Variants in AGBL1 observed in about 807,000 individuals in gnomAD.
AGBL1 encodes the protein cytosolic carboxypeptidase 4.
Under a neutral mutation model 118.9 loss-of-function variants are expected in AGBL1, and 130 were observed. The ratio of observed to expected loss-of-function variants is 1.09; its 90% CI spans 0.95 to 1.26. The LOEUF (loss-of-function observed/expected upper bound fraction) is 1.26, where lower values mean the gene tolerates loss of function less well. AGBL1 is among the 50% of genes most tolerant of loss of function. AGBL1 has a pLI of 0.00. For missense variants in AGBL1, 1,584 were observed against 1,298.1 expected (o/e 1.22, Z -3.38); for synonymous variants, 555 against 478.9 (o/e 1.16, Z -2.08).
chr15:86,913,662 G>C lies in AGBL1; in HGVS notation c.*6368G>C, dbSNP rs1397106466. On this transcript the variant is annotated 3_prime_UTR_variant, in exon 23 of 23. Coordinates refer to ENST00000614907, the MANE Select transcript of AGBL1 (RefSeq NM_001386094.1). ...GAGGATCCCTTGAGCCCAGGAGTTT[G>C]AGACCAGCCTGGGCAACATAGTTAG... 6.6e-6 allele frequency: 1 copy of C among 152,318 alleles called. No individual in the cohort carries two copies. The highest frequency in any genetic ancestry group is 2.4e-5 in the African/African-American group (1 of 41,426). 9.4% of individuals were successfully genotyped at this position (152,318 alleles called of 1,614,324 possible).
chr15:86,944,810 G>A (rs1469575264), intron 23 of AGBL1, among the ~76,000 whole-genome samples: 1 of 151,920 alleles, frequency 6.6e-6, no homozygotes, highest in African/African-American at 2.4e-5. Flanking sequence ...ATTTTCTTAA[G>A]GGCAATAAGT....
intron 17 of AGBL1, among the ~76,000 whole-genome samples, chr15:86,354,044 G>T (rs911157596): frequency 2.0e-5 from 3 of 152,210 alleles, no homozygotes; most frequent in Non-Finnish European, 4.4e-5. Flanking sequence ...AATGAGGCGG[G>T]TGATTTGCAC....
At chr15:86,224,122 G>T (rs1245029782) in intron 5 of AGBL1, among the ~76,000 whole-genome samples, 1 of 152,062 alleles carries the variant, frequency 6.6e-6, no homozygotes, top group Non-Finnish European at 1.5e-5. Flanking sequence ...AGTTACTAGG[G>T]CCACACAGAA....
chr15:87,023,425 A>C (rs1484081301), intron 24 of AGBL1, among the ~76,000 whole-genome samples: 1 of 152,090 alleles, frequency 6.6e-6, no homozygotes, highest in African/African-American at 2.4e-5. Flanking sequence ...TCCAACAGGA[A>C]AATATCTCAA....
intron 15 of AGBL1, among the ~76,000 whole-genome samples, chr15:86,273,454 G>T (rs1386388723): frequency 6.6e-6 from 1 of 152,136 alleles, no homozygotes; most frequent in African/African-American, 2.4e-5. Flanking sequence ...TATTCACCAC[G>T]TTGTGTTAAC....
chr15:87,020,237 C>T (rs979661928), intron 24 of AGBL1, among the ~76,000 whole-genome samples: 2 of 151,934 alleles, frequency 1.3e-5, no homozygotes, highest in South Asian at 2.1e-4. Flanking sequence ...ATAAACAGAA[C>T]TAAAGACAAA....
chr15:86,888,102 C>CTT (rs2079996780), intron 22 of AGBL1, among the ~76,000 whole-genome samples: 1 of 152,072 alleles, frequency 6.6e-6, no homozygotes, highest in Non-Finnish European at 1.5e-5. Context: ...AAGCTGGATT[C>CTT]TTTTCGTTTG....
rs544508807 is a variant in AGBL1, at chr15:86,854,442, A to G, written c.3159-52645A>G. On this transcript the variant is annotated intron_variant, in intron 22 of 22. Transcript: ENST00000614907. ...CTCTGGCTCCTTAATTAGCACTCTG[A>G]TGGGTGACAGGAGGCCCAACTGGAT... is the stretch of plus-strand genomic sequence containing the variant. Among the ~76,000 whole-genome samples the G allele has an allele frequency of 2.0e-5, 3 of 152,270 alleles. No homozygotes were observed. In the East Asian group the frequency reaches 5.8e-4, roughly 29 times the overall value.
chr15:86,765,394 C>T (rs996488782), intron 22 of AGBL1, among the ~76,000 whole-genome samples: 1 of 151,980 alleles, frequency 6.6e-6, no homozygotes, highest in Admixed American at 6.6e-5. Context: ...AGTCAACAGA[C>T]AACTACAATC....
At chr15:86,821,663 G>A (rs1417358882) in intron 22 of AGBL1, among the ~76,000 whole-genome samples, 1 of 152,106 alleles carries the variant, frequency 6.6e-6, no homozygotes, top group East Asian at 1.9e-4. Flanking sequence ...TGCCAATAAT[G>A]TCATCAGCAT....
At chr15:86,361,098 G>T (rs2080798670) in intron 17 of AGBL1, among the ~76,000 whole-genome samples, 1 of 151,752 alleles carries the variant, frequency 6.6e-6, no homozygotes, top group East Asian at 1.9e-4. Context: ...GACATTTATA[G>T]CTACAAAATT....
chr15:86,281,628 A>G (rs2079356609), intron 16 of AGBL1, among the ~76,000 whole-genome samples: 1 of 152,198 alleles, frequency 6.6e-6, no homozygotes, highest in South Asian at 2.1e-4. Flanking sequence ...TAACGTTTAT[A>G]GATGCAAGAA....
At chr15:86,481,645 C>T (rs1345769875) in intron 18 of AGBL1, among the ~76,000 whole-genome samples, 1 of 152,136 alleles carries the variant, frequency 6.6e-6, no homozygotes, top group African/African-American at 2.4e-5. Context: ...AACTGTTGCA[C>T]TGTTGCCAAT....
intron 23 of AGBL1, among the ~76,000 whole-genome samples, chr15:86,980,229 G>A (rs751266313): frequency 3.3e-5 from 5 of 152,168 alleles, no homozygotes. Context: ...ATAATTGGTT[G>A]GTACAAGAAT....
intron 23 of AGBL1, among the ~76,000 whole-genome samples, chr15:86,979,543 C>T (rs2081208410): frequency 6.6e-6 from 1 of 151,756 alleles, no homozygotes; most frequent in South Asian, 2.1e-4. Flanking sequence ...GGCTGGAGTG[C>T]AGTGGCGCGA....
At chr15:86,841,761 C>T (rs964786484) in intron 22 of AGBL1, among the ~76,000 whole-genome samples, 2 of 152,076 alleles carry the variant, frequency 1.3e-5, no homozygotes, top group African/African-American at 4.8e-5. Context: ...GCAGGAGAAT[C>T]GCTTGAACCA....
intron 5 of AGBL1, among the ~76,000 whole-genome samples, chr15:86,199,958 G>A (rs368913962): frequency 6.6e-6 from 1 of 152,188 alleles, no homozygotes; most frequent in African/African-American, 2.4e-5. Flanking sequence ...ATGCCTGTGA[G>A]TTTGCACAAC....
chr15:86,510,117 C>G (rs17680274), intron 18 of AGBL1, among the ~76,000 whole-genome samples: 66,257 of 151,762 alleles, frequency 0.44, 15,546 homozygotes, highest in East Asian at 0.69. Flanking sequence ...TAAATGTTTC[C>G]TAGCTATTTA....
intron 18 of AGBL1, among the ~76,000 whole-genome samples, chr15:86,470,749 G>T (rs1169581095): frequency 1.3e-5 from 2 of 151,934 alleles, no homozygotes; most frequent in East Asian, 3.9e-4. Context: ...ACATCTTTCA[G>T]CTCAGTTAAA....
Sources: gnomAD v4.1 joint callset for allele counts (sites outside exome capture counted in the v4.1 genomes callset) on GRCh38, gnomAD v4.1.1 for gene constraint, MANE v1.5 for transcripts, NCBI Gene and HGNC (gene_info 2026-07-23, HGNC 2026-07-21) for gene names.